MAGI2: variants seen among roughly 807,000 people sequenced by gnomAD.
The protein encoded by MAGI2 is membrane-associated guanylate kinase, WW and PDZ domain-containing protein 2.
In MAGI2, 35 loss-of-function variants were observed where a neutral mutation model predicts 133.3. That is an observed-to-expected ratio of 0.26 (90% CI 0.20 to 0.35). The LOEUF is 0.35. MAGI2 is among the 10% of genes least tolerant of loss of function. The pLI is 1.00. For missense variants in MAGI2, 1,636 were observed against 1,863.4 expected (o/e 0.88, Z 2.25); for synonymous variants, 729 against 710.6 (o/e 1.03, Z -0.41).
chr7:79,361,895 CAT>C (rs1168972637), intron 1 of MAGI2, among the ~76,000 whole-genome samples: 1 of 151,794 alleles, frequency 6.6e-6, no homozygotes, highest in African/African-American at 2.4e-5. Context: ...AAAAACATAA[CAT>C]ATAAAAATAT....
At chr7:78,343,658 G>T in intron 9 of MAGI2, 120 bp downstream of exon 9, 1 of 632,816 alleles carries the variant, frequency 1.6e-6, no homozygotes, top group Non-Finnish European at 2.4e-6. Flanking sequence ...TATGCTTCAT[G>T]CTTTTCCTAA....
At chr7:78,894,698 T>G (rs1797065405) in intron 2 of MAGI2, among the ~76,000 whole-genome samples, 2 of 152,058 alleles carry the variant, frequency 1.3e-5, no homozygotes, top group Admixed American at 1.3e-4. Flanking sequence ...TACGAACAAA[T>G]AAGAAAAGTG....
At chr7:78,654,340 G>A (rs894727775) in intron 2 of MAGI2, among the ~76,000 whole-genome samples, 1 of 152,090 alleles carries the variant, frequency 6.6e-6, no homozygotes, top group African/African-American at 2.4e-5. Context: ...AAAATAGTAT[G>A]TGGCACACAG....
intron 9 of MAGI2, among the ~76,000 whole-genome samples, chr7:78,265,294 A>G (rs1234776374): frequency 6.6e-6 from 1 of 152,202 alleles, no homozygotes; most frequent in Non-Finnish European, 1.5e-5. Context: ...TCTGGCAAAG[A>G]TGAAACAACA....
At chr7:78,865,430 G>A (rs1794482397) in intron 2 of MAGI2, among the ~76,000 whole-genome samples, 1 of 152,160 alleles carries the variant, frequency 6.6e-6, no homozygotes, top group Non-Finnish European at 1.5e-5. Context: ...TTGATGGACA[G>A]AAACAAAAGG....
At chr7:78,557,093 A>G (rs199649421) in intron 3 of MAGI2, among the ~76,000 whole-genome samples, 4 of 116,400 alleles carry the variant, frequency 3.4e-5, no homozygotes, top group Non-Finnish European at 6.8e-5. Flanking sequence ...AAAAAAAAAA[A>G]AAAAAAAGAA....
At chr7:79,330,306 G>T (rs1839982183) in intron 1 of MAGI2, among the ~76,000 whole-genome samples, 2 of 142,244 alleles carry the variant, frequency 1.4e-5, no homozygotes, top group South Asian at 2.3e-4. Context: ...CCATTCTTCT[G>T]CCTTAGCCTC....
At chr7:78,361,750 C>T (rs1792836005) in intron 7 of MAGI2, among the ~76,000 whole-genome samples, 1 of 152,144 alleles carries the variant, frequency 6.6e-6, no homozygotes, top group Non-Finnish European at 1.5e-5. Context: ...GTAAGAGTCG[C>T]TAATAAAAGT....
At chr7:78,408,421 T>C (rs1340502057) in intron 6 of MAGI2, among the ~76,000 whole-genome samples, 1 of 151,994 alleles carries the variant, frequency 6.6e-6, no homozygotes, top group Non-Finnish European at 1.5e-5. Flanking sequence ...GAATTGGGGA[T>C]GGGAGTGAGG....
At chr7:78,983,173 C>G (rs1804936100) in intron 2 of MAGI2, among the ~76,000 whole-genome samples, 1 of 151,624 alleles carries the variant, frequency 6.6e-6, no homozygotes, top group Non-Finnish European at 1.5e-5. Flanking sequence ...GTTAGTAAAA[C>G]CAATGAAAAG....
intron 1 of MAGI2, among the ~76,000 whole-genome samples, chr7:79,300,430 A>T (rs962828004): frequency 2.6e-5 from 4 of 152,182 alleles, no homozygotes; most frequent in African/African-American, 9.7e-5. Context: ...GATATATGAA[A>T]GTATTGAACT....
chr7:79,104,451 G>C (rs1010963239), intron 1 of MAGI2, among the ~76,000 whole-genome samples: 1 of 152,092 alleles, frequency 6.6e-6, no homozygotes, highest in African/African-American at 2.4e-5. Context: ...GGCAGATCAT[G>C]AGGTCAAGAG....
At chr7:78,542,494 G>A (rs972128332) in intron 3 of MAGI2, among the ~76,000 whole-genome samples, 3 of 152,178 alleles carry the variant, frequency 2.0e-5, no homozygotes, top group African/African-American at 7.2e-5. Flanking sequence ...AATACCGTAA[G>A]AGAGGGTAAC....
At chr7:79,214,407 CTATATATATATATA>C (rs1196193501) in intron 1 of MAGI2, among the ~76,000 whole-genome samples, 5 of 17,716 alleles carry the variant, frequency 2.8e-4, no homozygotes, top group African/African-American at 7.0e-4. Flanking sequence ...CTCTCTCTCT[CTATATATATATATA>C]TATATATATA....
intron 6 of MAGI2, among the ~76,000 whole-genome samples, chr7:78,451,968 C>T (rs1447679425): frequency 4.6e-5 from 7 of 152,042 alleles, no homozygotes; most frequent in South Asian, 2.1e-4. Context: ...ATCTATCACA[C>T]GATCTTGACT....
At chr7:78,399,835 C>T (rs1411235078) in intron 6 of MAGI2, among the ~76,000 whole-genome samples, 2 of 122,910 alleles carry the variant, frequency 1.6e-5, no homozygotes, top group African/African-American at 3.0e-5. Context: ...AAAGGCATAA[C>T]ATTTACCATG....
intron 2 of MAGI2, among the ~76,000 whole-genome samples, chr7:79,001,672 A>G (rs1466915331): frequency 2.0e-5 from 3 of 152,204 alleles, no homozygotes; most frequent in Non-Finnish European, 4.4e-5. Context: ...AGCATATTAA[A>G]ACCAAAATAA....
chr7:78,439,510 G>C (rs955244635), intron 6 of MAGI2, among the ~76,000 whole-genome samples: 4 of 152,168 alleles, frequency 2.6e-5, no homozygotes, highest in Admixed American at 6.5e-5. Context: ...GAGGTGCAGA[G>C]TAAGATGTGG....
rs368756347 is a variant in MAGI2 at position 78,445,033 on chromosome 7, AG to A, written c.1045+44727del. On this transcript the variant is annotated intron_variant, in intron 6 of 21. Transcript: ENST00000354212. ...CTTGATACATTGGCTCTATCTGGGC[AG>A]GGGGCAAGAAGATCTCCTTGGGTGG... is the stretch of plus-strand genomic sequence containing the variant. Among the ~76,000 whole-genome samples, 763 of 151,828 alleles carry A rather than the reference AG, an allele frequency of 5.0e-3. 5 individuals are homozygous for A. Among genetic ancestry groups the A allele is most frequent in the African/African-American group, 0.016 (663 of 41,454 alleles).
Sources: allele counts gnomAD v4.1 joint callset (sites outside exome capture counted in the v4.1 genomes callset), GRCh38; gene constraint gnomAD v4.1.1; transcripts MANE v1.5; gene names NCBI Gene and HGNC (gene_info 2026-07-23, HGNC 2026-07-21).